RANBP9: variants seen among roughly 807,000 people sequenced by gnomAD.
The protein encoded by RANBP9 is RAN binding protein 9.
RANBP9 carries 15 observed loss-of-function variants against 84.3 expected under a neutral mutation model. The ratio of observed to expected loss-of-function variants is 0.18; its 90% CI spans 0.12 to 0.27. The LOEUF (loss-of-function observed/expected upper bound fraction) is 0.27. Ranked by LOEUF, RANBP9 falls within the 10% of genes least tolerant of loss-of-function variation. The pLI is 1.00. For synonymous variants in RANBP9, 392 were observed against 349.6 expected (o/e 1.12, Z -1.35); for missense variants, 809 against 912.8 (o/e 0.89, Z 1.46).
At position 13,657,153 on chromosome 6, in the gene RANBP9, A is replaced by G; in HGVS notation, c.860T>C (p.Leu287Pro). The G allele has an allele frequency of 6.2e-7, 1 of 1,612,514 alleles. No individual in the cohort carries two copies. Among genetic ancestry groups the G allele is most frequent in the Non-Finnish European group, 8.5e-7 (1 of 1,179,146 alleles). Reference protein sequence around the residue: ...TGDVIGCCVNLINNTCFYTKN... With the variant: ...TGDVIGCCVNPINNTCFYTKN... ...GGTGTAAAAGCAGGTATTGTTGATA[A>G]GATTAACACAACAGCCAATGACATC... Residue 287 changes from leucine to proline, a missense_variant, in exon 4 of 14, where the codon CTT becomes CCT. Physicochemically the swap from Leu to Pro is moderately conservative, Grantham distance 98 (BLOSUM62 -3). Around this residue, in one of 5 missense-constraint regions of RANBP9, gnomAD observed 216 missense variants for 329.0 expected, o/e 0.66. Transcript: ENST00000011619.
At chr6:13,660,282 G>A (rs1209568411) in intron 2 of RANBP9, among the ~76,000 whole-genome samples, 1 of 152,166 alleles carries the variant, frequency 6.6e-6, no homozygotes, top group Admixed American at 6.5e-5. Flanking sequence ...ACTGAAGCAG[G>A]AGGATCTTTT....
rs191453973 is a variant in RANBP9, at chr6:13,691,194, A to T, written c.683+5591T>A. The stretch of plus-strand genomic sequence containing the variant: ...AAAAAAAAAAAAAAGTCATGTAGAT[A>T]AAGTGATTTAATTTTTCTTGTGAAA... On this transcript the variant is annotated intron_variant, in intron 2 of 13. Transcript: ENST00000011619. Among the ~76,000 whole-genome samples, 496 of 151,946 alleles carry T rather than the reference A, an allele frequency of 3.3e-3. 8 individuals are homozygous for T. Among genetic ancestry groups the T allele is most frequent in the African/African-American group, 0.011 (461 of 41,484 alleles).
At chr6:13,671,810 A>G (rs543480814) in intron 2 of RANBP9, among the ~76,000 whole-genome samples, 9 of 152,252 alleles carry the variant, frequency 5.9e-5, no homozygotes, top group African/African-American at 1.9e-4. Flanking sequence ...AAAAATAAAG[A>G]TGACAACTTT....
chr6:13,625,802 G>A, intron 12 of RANBP9, 38 bp from the exon 13 acceptor site: 3 of 1,382,986 alleles, frequency 2.2e-6, no homozygotes, highest in Non-Finnish European at 2.1e-6. Flanking sequence ...AATTCAAATA[G>A]TTCAACTATT....
chr6:13,659,527 T>C (rs1187805291), intron 2 of RANBP9, among the ~76,000 whole-genome samples: 2 of 152,078 alleles, frequency 1.3e-5, no homozygotes, highest in African/African-American at 4.8e-5. Context: ...CAAGTGCTTA[T>C]AAAACATTAA....
At chr6:13,625,164 T>A (rs1364595922) in intron 13 of RANBP9, among the ~76,000 whole-genome samples, 1 of 152,216 alleles carries the variant, frequency 6.6e-6, no homozygotes, top group Non-Finnish European at 1.5e-5. Context: ...CTAGCCTAAC[T>A]CTTGTGACAA....
At chr6:13,659,777 C>T (rs867311754) in intron 2 of RANBP9, among the ~76,000 whole-genome samples, 2 of 152,152 alleles carry the variant, frequency 1.3e-5, no homozygotes, top group Middle Eastern at 3.4e-3. Flanking sequence ...AGACTTTTCC[C>T]CCAAATACAG....
Position 13,708,161 on chromosome 6 carries a change from C to T in RANBP9, c.571+2774G>A, listed in dbSNP as rs191590237. Among the ~76,000 whole-genome samples, 8 of 152,262 alleles carry T rather than the reference C, an allele frequency of 5.3e-5. No homozygotes were observed. In the East Asian group the frequency reaches 1.5e-3, roughly 29 times the overall value. ...TACAGGCTGGACACAGTGGCTCAGG[C>T]TTGTAATTCCAGTACTTTGGGATGC... On this transcript the variant is annotated intron_variant, in intron 1 of 13. Coordinates refer to ENST00000011619, the MANE Select transcript of RANBP9 (RefSeq NM_005493.3).
intron 2 of RANBP9, among the ~76,000 whole-genome samples, chr6:13,663,929 T>C (rs1053556939): frequency 2.0e-5 from 3 of 152,108 alleles, no homozygotes; most frequent in Non-Finnish European, 2.9e-5. Context: ...ACATGCTTAA[T>C]AGTGAAATAC....
chr6:13,696,069 G>A (rs1220475253), intron 2 of RANBP9, among the ~76,000 whole-genome samples: 2 of 151,364 alleles, frequency 1.3e-5, no homozygotes, highest in Non-Finnish European at 2.9e-5. Flanking sequence ...TAGGTAATTA[G>A]TGCTTAACCA....
At chr6:13,634,803 C>CT (rs1382555019) in intron 10 of RANBP9, among the ~76,000 whole-genome samples, 1 of 152,176 alleles carries the variant, frequency 6.6e-6, no homozygotes, top group Non-Finnish European at 1.5e-5. Context: ...GGTTTTATGA[C>CT]TTTACATCAA....
chr6:13,681,157 T>C (rs765730963), intron 2 of RANBP9, among the ~76,000 whole-genome samples: 78 of 152,154 alleles, frequency 5.1e-4, no homozygotes, highest in Admixed American at 1.1e-3. Flanking sequence ...TGCTAAGTGA[T>C]TACAAAATAG....
At chr6:13,654,345 T>C (rs1394932469) in intron 4 of RANBP9, among the ~76,000 whole-genome samples, 2 of 152,202 alleles carry the variant, frequency 1.3e-5, no homozygotes, top group Non-Finnish European at 2.9e-5. Flanking sequence ...TGGTGAACGA[T>C]ATTCAATAAA....
intron 1 of RANBP9, 123 bp from the exon 2 acceptor site, chr6:13,697,019 C>G: frequency 3.0e-6 from 2 of 672,454 alleles, no homozygotes; most frequent in Non-Finnish European, 4.7e-6. Context: ...CCTATCAGTT[C>G]AAATACTCAA....
intron 5 of RANBP9, among the ~76,000 whole-genome samples, chr6:13,652,104 G>A (rs959126102): frequency 2.6e-5 from 4 of 152,088 alleles, no homozygotes; most frequent in Non-Finnish European, 5.9e-5. Flanking sequence ...GTACAACCTT[G>A]TGTCCTACCG....
intron 5 of RANBP9, among the ~76,000 whole-genome samples, chr6:13,649,290 G>A (rs1366210141): frequency 1.3e-5 from 2 of 151,976 alleles, no homozygotes; most frequent in African/African-American, 4.8e-5. Flanking sequence ...CATGATCATT[G>A]GCTACCTGAG....
chr6:13,701,668 G>A (rs1472745330), intron 1 of RANBP9, among the ~76,000 whole-genome samples: 1 of 151,992 alleles, frequency 6.6e-6, no homozygotes, highest in East Asian at 1.9e-4. Context: ...TACTTGGGAG[G>A]CTGAGGCGGA....
chr6:13,710,441 A>G (rs139462041), intron 1 of RANBP9, among the ~76,000 whole-genome samples: 179 of 152,142 alleles, frequency 1.2e-3, no homozygotes, highest in Middle Eastern at 0.01. Context: ...TCTCTGGCCT[A>G]ATTTTGATTA....
chr6:13,646,200 A>G (rs1466161513), intron 5 of RANBP9, among the ~76,000 whole-genome samples: 4 of 152,170 alleles, frequency 2.6e-5, no homozygotes, highest in Non-Finnish European at 5.9e-5. Flanking sequence ...ACCTCAGGTC[A>G]GGAGTACAAG....
Sources: gnomAD v4.1 joint callset for allele counts (sites outside exome capture counted in the v4.1 genomes callset) on GRCh38, gnomAD v4.1.1 for gene constraint, gnomAD v4.1.1 regional missense constraint, MANE v1.5 for transcripts, NCBI Gene and HGNC (gene_info 2026-07-23, HGNC 2026-07-21) for gene names.